TCF12: variants seen among roughly 807,000 people sequenced by gnomAD.
The protein encoded by TCF12 is DNA-binding protein HTF4.
A neutral mutation model predicts 86.0 loss-of-function variants in TCF12; 45 were observed. The observed-to-expected ratio is 0.52, with a 90% confidence interval of 0.41 to 0.67. TCF12 has a LOEUF of 0.67. Ranked by LOEUF, TCF12 falls within the 30% of genes least tolerant of loss-of-function variation. TCF12 has a pLI of 0.00. For missense variants in TCF12, 881 were observed against 859.9 expected (o/e 1.02, Z -0.31); for synonymous variants, 330 against 299.6 (o/e 1.10, Z -1.05).
At position 57,288,330 on chromosome 15, in the gene TCF12, G is replaced by A. The variant is rs2061998044; in HGVS notation, c.*2185G>A. The stretch of plus-strand genomic sequence containing the variant: ...TTGGAGATGAATTGCTTCTCATCTT[G>A]TTCTCCAGTTTCCATTGTTGGTTTA... On this transcript the variant is annotated 3_prime_UTR_variant, in exon 21 of 21. Transcript: ENST00000333725. 6.6e-6 allele frequency: 1 copy of A among 152,546 alleles called. No homozygotes were observed. The highest frequency in any genetic ancestry group is 1.5e-5 in the Non-Finnish European group (1 of 68,022). The allele number at this position is 152,546 out of a possible 1,614,324, so 9.4% of individuals were successfully genotyped here.
At chr15:57,055,236 T>G (rs970832983) in intron 3 of TCF12, among the ~76,000 whole-genome samples, 2 of 151,998 alleles carry the variant, frequency 1.3e-5, no homozygotes, top group South Asian at 4.1e-4. Flanking sequence ...ACCCTATCTC[T>G]ACTGAAAACA....
chr15:57,244,742 G>GA (rs1313352406), intron 13 of TCF12, among the ~76,000 whole-genome samples: 1 of 151,906 alleles, frequency 6.6e-6, no homozygotes, highest in East Asian at 1.9e-4. Flanking sequence ...GGGATTACAG[G>GA]CGTGACCCAC....
At chr15:57,002,536 A>C (rs1252531672) in intron 3 of TCF12, among the ~76,000 whole-genome samples, 1 of 152,082 alleles carries the variant, frequency 6.6e-6, no homozygotes, top group African/African-American at 2.4e-5. Flanking sequence ...TAATTAATTG[A>C]CTCCTTCTGT....
intron 5 of TCF12, among the ~76,000 whole-genome samples, chr15:57,142,389 C>A (rs183200105): frequency 6.8e-6 from 1 of 146,974 alleles, no homozygotes; most frequent in Admixed American, 6.9e-5. Context: ...TACAGATTCC[C>A]TCAGCTGTGT....
rs2055400715 is a variant in TCF12 at position 57,170,767 on chromosome 15, ATATTATATAT to A, written c.390+4302_390+4311del. 1.5e-4 allele frequency among the ~76,000 whole-genome samples: 2 copies of A among 13,492 alleles called. 1 individual carries two copies. Among genetic ancestry groups the A allele is most frequent in the South Asian group, 6.1e-3 (2 of 330 alleles). 8.9% of individuals were successfully genotyped at this position (13,492 alleles called of 152,430 possible). ...ATATTATATATTATATATTATATAT[ATATTATATAT>A]AATATATATATATAATATATATATA... On this transcript the variant is annotated intron_variant, in intron 6 of 20. Transcript: ENST00000333725.
chr15:57,097,131 C>T (rs2049379848), intron 5 of TCF12, among the ~76,000 whole-genome samples: 1 of 152,118 alleles, frequency 6.6e-6, no homozygotes, highest in African/African-American at 2.4e-5. Flanking sequence ...CTTCTGTAAA[C>T]TTGATATTGC....
chr15:57,007,184 G>C (rs2064432269), intron 3 of TCF12, among the ~76,000 whole-genome samples: 1 of 152,100 alleles, frequency 6.6e-6, no homozygotes, highest in African/African-American at 2.4e-5. Context: ...TAAGTATCCT[G>C]ATATATAGCT....
intron 18 of TCF12, among the ~76,000 whole-genome samples, chr15:57,265,003 T>TACA (rs1434026505): frequency 6.6e-6 from 1 of 151,944 alleles, no homozygotes; most frequent in African/African-American, 2.4e-5. Context: ...GTGCTGGGAT[T>TACA]ACAAGCGTGA....
intron 4 of TCF12, among the ~76,000 whole-genome samples, chr15:57,071,798 G>A (rs2069411336): frequency 6.6e-6 from 1 of 152,196 alleles, no homozygotes; most frequent in African/African-American, 2.4e-5. Context: ...AGACTTAATA[G>A]AGGAGGAAGT....
At chr15:57,274,859 G>A (rs542609103) in intron 19 of TCF12, among the ~76,000 whole-genome samples, 8 of 151,964 alleles carry the variant, frequency 5.3e-5, no homozygotes, top group Non-Finnish European at 1.2e-4. Flanking sequence ...AGTCATTTGT[G>A]TTTTTAAAAA....
At position 56,976,089 on chromosome 15, in the gene TCF12, C is replaced by T. The variant is rs953285834; in HGVS notation, c.148+54991C>T. Among the ~76,000 whole-genome samples the T allele has an allele frequency of 1.8e-4, 27 of 151,848 alleles. 1 individual carries two copies. The highest frequency in any genetic ancestry group is 6.3e-3 in the Middle Eastern group (2 of 316). On this transcript the variant is annotated intron_variant, in intron 3 of 20. Coordinates refer to ENST00000333725, the MANE Select transcript of TCF12 (RefSeq NM_207037.2). ...TGACTCTTTATAAGATCACTAGTTA[C>T]ACTGGTGGAGGATGCTAATGAAACA...
chr15:57,007,810 CTTTCTTTCTTTT>C (rs2064515715), intron 3 of TCF12, among the ~76,000 whole-genome samples: 4 of 124,288 alleles, frequency 3.2e-5, no homozygotes, highest in African/African-American at 5.8e-5. Flanking sequence ...TTCTTTCTTT[CTTTCTTTCTTTT>C]TCTTTCTTTC....
intron 5 of TCF12, among the ~76,000 whole-genome samples, chr15:57,150,716 C>G (rs1236745714): frequency 6.6e-6 from 1 of 151,916 alleles, no homozygotes; most frequent in African/African-American, 2.4e-5. Context: ...TGTAATCAAG[C>G]AAAGATGTTA....
Position 57,257,506 on chromosome 15 carries a change from T to G in TCF12, c.1467+4038T>G, listed in dbSNP as rs566068386. ...GAACCTGTATCTACAAAAAAAAAATTTTTAATTAACTGGGCATGGTGGCAT... is the reference window on the plus strand; with the variant it reads ...GAACCTGTATCTACAAAAAAAAAATGTTTAATTAACTGGGCATGGTGGCAT... On this transcript the variant is annotated intron_variant, in intron 16 of 20. Coordinates refer to ENST00000333725, the MANE Select transcript of TCF12 (RefSeq NM_207037.2). Among the ~76,000 whole-genome samples the G allele has an allele frequency of 2.5e-4, 38 of 151,866 alleles. No homozygotes were observed. The South Asian group carries it at 7.7e-3, about 31-fold the overall frequency.
chr15:57,078,147 G>C (rs2070297973), intron 4 of TCF12, among the ~76,000 whole-genome samples: 1 of 152,066 alleles, frequency 6.6e-6, no homozygotes, highest in South Asian at 2.1e-4. Context: ...TTTTGCTTTA[G>C]GGTATTCTTT....
rs550493641 is a variant in TCF12 at position 57,223,643 on chromosome 15, G to GTTTTTTTT, written c.580-7488_580-7481dup. On this transcript the variant is annotated intron_variant, in intron 8 of 20. Coordinates refer to ENST00000333725, the MANE Select transcript of TCF12 (RefSeq NM_207037.2). ...GTTTTGGCACCTGCCTACCAATGAGGTTTTTTTTTTTTTTTTTTTTTTTTT... is the reference window on the plus strand; with the variant it reads ...GTTTTGGCACCTGCCTACCAATGAGGTTTTTTTTTTTTTTTTTTTTTTTTTTTTTTTTT... 4.3e-4 allele frequency among the ~76,000 whole-genome samples: 30 copies of GTTTTTTTT among 69,686 alleles called. 5 individuals carry two copies. The highest frequency in any genetic ancestry group is 5.6e-4 in the Non-Finnish European group (20 of 35,980). The allele number at this position is 69,686 out of a possible 152,430, so 45.7% of individuals were successfully genotyped here.
chr15:57,198,220 A>G (rs190689723), intron 8 of TCF12, among the ~76,000 whole-genome samples: 24 of 152,312 alleles, frequency 1.6e-4, no homozygotes, highest in Admixed American at 9.2e-4. Context: ...AATAATCCCA[A>G]TGGAGCTAAA....
chr15:57,055,768 A>G (rs12441892), intron 3 of TCF12, among the ~76,000 whole-genome samples: 5,826 of 152,114 alleles, frequency 0.038, 363 homozygotes, highest in Admixed American at 0.16. Context: ...GTGTCTATGT[A>G]TGGTTTTCTT....
chr15:57,054,505 G>A (rs1475190296), intron 3 of TCF12, among the ~76,000 whole-genome samples: 1 of 152,082 alleles, frequency 6.6e-6, no homozygotes, highest in African/African-American at 2.4e-5. Context: ...TAATTGTCTT[G>A]TTCAAGAAGG....
Sources: gnomAD v4.1 joint callset for allele counts (sites outside exome capture counted in the v4.1 genomes callset) on GRCh38, gnomAD v4.1.1 for gene constraint, MANE v1.5 for transcripts, NCBI Gene and HGNC (gene_info 2026-07-23, HGNC 2026-07-21) for gene names.